Variants in NINL observed in about 807,000 individuals in gnomAD.
The protein encoded by NINL is ninein-like protein.
NINL carries 153 observed loss-of-function variants against 160.3 expected under a neutral mutation model. The observed-to-expected ratio is 0.95, with a 90% CI of 0.84 to 1.09. The LOEUF is 1.09. NINL is among the 50% of genes least tolerant of loss of function. The probability of loss-of-function intolerance (pLI) is 0.00; values close to 1 mark genes in which losing one functional copy is unlikely to be tolerated. For synonymous variants in NINL, 800 were observed against 734.8 expected, an observed-to-expected ratio of 1.09 and a Z score of -1.43; for missense variants, 1,829 against 1,764.0, an observed-to-expected ratio of 1.04 and a Z score of -0.66.
intron 23 of NINL, among the ~76,000 whole-genome samples, chr20:25,454,498 G>A (rs1392110106): frequency 6.6e-6 from 1 of 152,188 alleles, no homozygotes; most frequent in Non-Finnish European, 1.5e-5. Context: ...CACCAGTAGG[G>A]GAGGAAGCTG....
intron 3 of NINL, among the ~76,000 whole-genome samples, chr20:25,515,254 A>C (rs1015616548): frequency 2.0e-5 from 3 of 152,234 alleles, no homozygotes; most frequent in Admixed American, 6.5e-5. Flanking sequence ...AAAGGAAATT[A>C]TTTTAGAGCT....
chr20:25,564,598 G>A (rs1237493578), intron 1 of NINL, among the ~76,000 whole-genome samples: 2 of 152,130 alleles, frequency 1.3e-5, no homozygotes, highest in East Asian at 1.9e-4. Context: ...GATTACAAGC[G>A]TGAGCCACCG....
intron 1 of NINL, among the ~76,000 whole-genome samples, chr20:25,549,835 CA>C: frequency 6.6e-6 from 1 of 152,228 alleles, no homozygotes; most frequent in African/African-American, 2.4e-5. Context: ...CAGGAAAAGT[CA>C]AAAGTCAGGA....
chr20:25,455,563 A>G (rs1056650039), intron 23 of NINL, 110 bp downstream of exon 23: 1 of 758,776 alleles, frequency 1.3e-6, no homozygotes, highest in African/African-American at 1.7e-5. Context: ...AGTTCCCTGG[A>G]ATTCTGTGAC....
chr20:25,537,147 G>T (rs2064571750), intron 1 of NINL, among the ~76,000 whole-genome samples: 1 of 152,162 alleles, frequency 6.6e-6, no homozygotes, highest in Admixed American at 6.5e-5. Flanking sequence ...CAGTGGCGTT[G>T]ATCACGGCTC....
intron 1 of NINL, among the ~76,000 whole-genome samples, chr20:25,553,919 T>C (rs1385890799): frequency 6.6e-6 from 1 of 152,246 alleles, no homozygotes; most frequent in Non-Finnish European, 1.5e-5. Flanking sequence ...GCTCTTCTTG[T>C]TGTCTGAGGT....
chr20:25,584,546 A>G (rs769646296), intron 1 of NINL, among the ~76,000 whole-genome samples: 2 of 152,248 alleles, frequency 1.3e-5, no homozygotes, highest in Non-Finnish European at 2.9e-5. Flanking sequence ...TGAAAAACCT[A>G]GAAGTCACAG....
In NINL at chr20:25,455,625, C is replaced by T. The variant is rs375983943; in HGVS notation, c.3957+48G>A. The T allele has an allele frequency of 3.3e-5, 45 of 1,344,752 alleles. No homozygotes were observed. The East Asian group carries it at 4.4e-4, about 13-fold the overall frequency. 83.3% of individuals were successfully genotyped at this position (1,344,752 alleles called of 1,614,324 possible). A position where few individuals can be genotyped will look rare whatever the true frequency, so the allele number is the denominator to read the frequency against. On this transcript the variant is annotated intron_variant, in intron 23 of 23. Transcript: ENST00000278886. ...CCTGCACACCCATAAAAGTGGAGAGCGTTCAGAAGAGGACGTGAACACGAA... is the reference window on the plus strand; with the variant it reads ...CCTGCACACCCATAAAAGTGGAGAGTGTTCAGAAGAGGACGTGAACACGAA...
chr20:25,502,195 T>A (rs1166182523), intron 7 of NINL, among the ~76,000 whole-genome samples: 2 of 152,160 alleles, frequency 1.3e-5, no homozygotes, highest in African/African-American at 4.8e-5. Flanking sequence ...TTAGCCAGGC[T>A]GGTCTCCAAC....
At chr20:25,505,649 C>A (rs1435070149) in intron 5 of NINL, among the ~76,000 whole-genome samples, 6 of 152,162 alleles carry the variant, frequency 3.9e-5, no homozygotes, top group African/African-American at 1.4e-4. Context: ...GTCCTGTGCT[C>A]CAGGCTGAAG....
chr20:25,478,920 G>T lies in NINL; in HGVS notation c.2201+3C>A, dbSNP rs374853768. 9 of 1,525,024 alleles carry T rather than the reference G, an allele frequency of 5.9e-6. No homozygotes were observed. Among genetic ancestry groups the T allele is most frequent in the Non-Finnish European group, 7.9e-6 (9 of 1,140,422 alleles). 94.5% of individuals were successfully genotyped at this position (1,525,024 alleles called of 1,614,324 possible). A position where few individuals can be genotyped will look rare whatever the true frequency, so the allele number is the denominator to read the frequency against. ...TTGAAATCTCAAAAGAAGCTGGCTG[G>T]ACCTGATCTGCTGCAGGTGGCTGTG... On this transcript the variant is annotated splice_donor_region_variant and intron_variant, in intron 16 of 23. Transcript: ENST00000278886.
At chr20:25,552,639 AG>A (rs2064818897) in intron 1 of NINL, among the ~76,000 whole-genome samples, 1 of 152,210 alleles carries the variant, frequency 6.6e-6, no homozygotes. Context: ...CATTTGGTCA[AG>A]CCCTGAAGTT....
chr20:25,478,712 G>A, intron 16 of NINL: 1 of 539,238 alleles, frequency 1.9e-6, no homozygotes. Context: ...ACAGTGAACA[G>A]CTTCATGGCC....
intron 12 of NINL, among the ~76,000 whole-genome samples, chr20:25,489,634 C>T (rs572734486): frequency 1.8e-4 from 27 of 152,280 alleles, no homozygotes; most frequent in Non-Finnish European, 2.5e-4. Context: ...CCTCCCTCCA[C>T]GCCCCCCACC....
chr20:25,584,697 T>A (rs2065208327), intron 1 of NINL, among the ~76,000 whole-genome samples: 1 of 152,058 alleles, frequency 6.6e-6, no homozygotes, highest in Non-Finnish European at 1.5e-5. Context: ...TTGGCCTAAG[T>A]CTCACAGAGC....
At chr20:25,489,370 A>AG in intron 12 of NINL, 46 bp from the exon 13 acceptor site, 11 of 1,555,770 alleles carry the variant, frequency 7.1e-6, no homozygotes, top group Non-Finnish European at 9.7e-6. Context: ...CTCGGGCCAG[A>AG]GGGGGACCTG....
chr20:25,509,847 C>A, intron 5 of NINL: 1 of 391,572 alleles, frequency 2.6e-6, no homozygotes, highest in South Asian at 2.0e-5. Flanking sequence ...GTATTATAGG[C>A]AAACACAAGA....
chr20:25,458,164 C>T (rs1399130789), intron 22 of NINL, among the ~76,000 whole-genome samples: 1 of 152,224 alleles, frequency 6.6e-6, no homozygotes, highest in African/African-American at 2.4e-5. Context: ...TCACCCCATT[C>T]AGGTCTCACC....
chr20:25,492,586 G>A (rs1275688260), intron 10 of NINL, among the ~76,000 whole-genome samples: 1 of 151,944 alleles, frequency 6.6e-6, no homozygotes, highest in Non-Finnish European at 1.5e-5. Context: ...CGAGTAGCTG[G>A]GACTACAGGC....
Sources: allele counts gnomAD v4.1 joint callset (sites outside exome capture counted in the v4.1 genomes callset), GRCh38; gene constraint gnomAD v4.1.1; transcripts MANE v1.5; gene names NCBI Gene and HGNC (gene_info 2026-07-23, HGNC 2026-07-21).